LUZP2: variants seen among roughly 807,000 people sequenced by gnomAD.
LUZP2 encodes leucine zipper protein 2.
In LUZP2, 52 loss-of-function variants were observed where a neutral mutation model predicts 51.6. That is an observed-to-expected ratio of 1.01 (90% CI 0.81 to 1.27). The LOEUF is 1.27. Ranked by LOEUF, LUZP2 falls within the 50% of genes most tolerant of loss-of-function variation. The probability of loss-of-function intolerance (pLI) is 0.00; values close to 1 mark genes in which losing one functional copy is unlikely to be tolerated. For synonymous variants in LUZP2, 154 were observed against 137.3 expected, an observed-to-expected ratio of 1.12 and a Z score of -0.85; for missense variants, 436 against 395.4, an observed-to-expected ratio of 1.10 and a Z score of -0.87.
chr11:24,551,182 A>C (rs1326190763), intron 1 of LUZP2, among the ~76,000 whole-genome samples: 1 of 152,110 alleles, frequency 6.6e-6, no homozygotes, highest in Non-Finnish European at 1.5e-5. Flanking sequence ...ATAAAATAAA[A>C]GTCATAAAAA....
chr11:24,716,519 G>A (rs1858050466), intron 1 of LUZP2, among the ~76,000 whole-genome samples: 1 of 152,112 alleles, frequency 6.6e-6, no homozygotes, highest in Non-Finnish European at 1.5e-5. Context: ...CAAGAATGAG[G>A]AGGACAAGTC....
At chr11:24,945,123 G>T (rs1367941964) in intron 7 of LUZP2, among the ~76,000 whole-genome samples, 8 of 152,094 alleles carry the variant, frequency 5.3e-5, no homozygotes, top group Non-Finnish European at 1.0e-4. Flanking sequence ...TCCCTGAATA[G>T]ACTTCTATTT....
At chr11:24,952,371 G>A (rs928784939) in intron 7 of LUZP2, among the ~76,000 whole-genome samples, 7 of 151,588 alleles carry the variant, frequency 4.6e-5, no homozygotes, top group African/African-American at 1.7e-4. Context: ...CCCTACTTTG[G>A]TAGAATTTAT....
intron 9 of LUZP2, among the ~76,000 whole-genome samples, chr11:25,017,615 A>T (rs946575271): frequency 6.6e-6 from 1 of 151,926 alleles, no homozygotes; most frequent in South Asian, 2.1e-4. Context: ...TCTTTCGTTT[A>T]TGTATCTTTT....
chr11:24,765,641 T>TA (rs1590478451), intron 5 of LUZP2, among the ~76,000 whole-genome samples: 3 of 149,518 alleles, frequency 2.0e-5, no homozygotes, highest in Admixed American at 6.7e-5. Flanking sequence ...TTTTTTTTTT[T>TA]TTTTGAGACG....
intron 10 of LUZP2, among the ~76,000 whole-genome samples, chr11:25,069,150 C>T (rs1446158): frequency 0.9 from 136,581 of 151,876 alleles, 62,390 homozygotes; most frequent in Non-Finnish European, 0.98. Context: ...CCTGAGACTG[C>T]AACATGTGAG....
chr11:24,685,140 G>A (rs1036507122), intron 1 of LUZP2, among the ~76,000 whole-genome samples: 2 of 151,756 alleles, frequency 1.3e-5, no homozygotes, highest in Admixed American at 1.3e-4. Context: ...TTTTCTCCTA[G>A]GATCCTGGCC....
chr11:24,638,853 C>G (rs755263520), intron 1 of LUZP2, among the ~76,000 whole-genome samples: 2 of 151,274 alleles, frequency 1.3e-5, no homozygotes, highest in Non-Finnish European at 2.9e-5. Flanking sequence ...GATACTGAAT[C>G]AAATAAATAT....
At chr11:24,851,760 G>T (rs796151795) in intron 5 of LUZP2, among the ~76,000 whole-genome samples, 32 of 152,160 alleles carry the variant, frequency 2.1e-4, no homozygotes, top group African/African-American at 7.2e-4. Flanking sequence ...GCTTTTTTTG[G>T]TTGGTAGGCT....
chr11:24,671,103 A>G (rs1375554325), intron 1 of LUZP2, among the ~76,000 whole-genome samples: 1 of 151,944 alleles, frequency 6.6e-6, no homozygotes, highest in Non-Finnish European at 1.5e-5. Flanking sequence ...TCAAATGGTA[A>G]TTAATGTCAA....
chr11:24,572,385 A>T (rs1214248978), intron 1 of LUZP2, among the ~76,000 whole-genome samples: 1 of 151,982 alleles, frequency 6.6e-6, no homozygotes, highest in African/African-American at 2.4e-5. Flanking sequence ...AATTCAGTTT[A>T]TATACTTTTT....
At position 25,081,603 on chromosome 11, in the gene LUZP2, C is replaced by T. The variant is rs1489483709; in HGVS notation, c.*2945C>T. The stretch of plus-strand genomic sequence containing the variant: ...GGATAAGTTTAAAATGTTCCTCTTA[C>T]ATTTGTGAATGTGTCTATGAGAGAG... On this transcript the variant is annotated 3_prime_UTR_variant, in exon 12 of 12. Transcript: ENST00000336930. 1 of 152,050 alleles carries T rather than the reference C, an allele frequency of 6.6e-6. No individual in the cohort carries two copies. Among genetic ancestry groups the T allele is most frequent in the Non-Finnish European group, 1.5e-5 (1 of 68,002 alleles). 9.4% of individuals were successfully genotyped at this position (152,050 alleles called of 1,614,324 possible). A position where few individuals can be genotyped will look rare whatever the true frequency, so the allele number is the denominator to read the frequency against.
intron 7 of LUZP2, among the ~76,000 whole-genome samples, chr11:24,926,860 G>A (rs976947636): frequency 2.0e-5 from 3 of 151,466 alleles, no homozygotes; most frequent in Non-Finnish European, 4.4e-5. Context: ...CCCACCAGCA[G>A]TGTAAAAAGT....
At chr11:24,645,585 C>G (rs534504027) in intron 1 of LUZP2, among the ~76,000 whole-genome samples, 1 of 152,234 alleles carries the variant, frequency 6.6e-6, no homozygotes, top group Non-Finnish European at 1.5e-5. Context: ...CTAAAACAAA[C>G]AGAGGCATGC....
In LUZP2 at chr11:25,082,461, C is replaced by T. The variant is rs1859479431; in HGVS notation, c.*3803C>T. The T allele has an allele frequency of 6.6e-6, 1 of 152,504 alleles. No individual in the cohort carries two copies. The highest frequency in any genetic ancestry group is 6.5e-5 in the Admixed American group (1 of 15,272). The allele number at this position is 152,504 out of a possible 1,614,324, so 9.4% of individuals were successfully genotyped here. A position where few individuals can be genotyped will look rare whatever the true frequency, so the allele number is the denominator to read the frequency against. ...GTAGGTTGAACTGGCCAGACCTAGA[C>T]AATGAAGAAAACACATACTGTTTAC... On this transcript the variant is annotated 3_prime_UTR_variant, in exon 12 of 12. Transcript: ENST00000336930.
At chr11:24,795,049 C>G (rs1286972276) in intron 5 of LUZP2, among the ~76,000 whole-genome samples, 1 of 151,998 alleles carries the variant, frequency 6.6e-6, no homozygotes, top group Non-Finnish European at 1.5e-5. Flanking sequence ...AGCTCCTTAA[C>G]TTCTTAACCC....
intron 5 of LUZP2, among the ~76,000 whole-genome samples, chr11:24,863,055 C>A (rs1851786430): frequency 6.6e-6 from 1 of 152,070 alleles, no homozygotes; most frequent in Non-Finnish European, 1.5e-5. Context: ...ACAACACTAG[C>A]TATAGGTAAG....
chr11:24,680,247 C>T (rs1856689323), intron 1 of LUZP2, among the ~76,000 whole-genome samples: 2 of 152,236 alleles, frequency 1.3e-5, no homozygotes, highest in Non-Finnish European at 2.9e-5. Flanking sequence ...GAGCAAGGCT[C>T]ATTACTTTCA....
chr11:24,885,655 GA>G (rs1314699709), intron 5 of LUZP2, among the ~76,000 whole-genome samples: 3 of 152,070 alleles, frequency 2.0e-5, no homozygotes. Context: ...CTGACATCAG[GA>G]AAAGTCATCA....
Sources: allele counts gnomAD v4.1 joint callset (sites outside exome capture counted in the v4.1 genomes callset), GRCh38; gene constraint gnomAD v4.1.1; transcripts MANE v1.5; gene names NCBI Gene and HGNC (gene_info 2026-07-23, HGNC 2026-07-21).